The following ADAM18 variants were observed in gnomAD, a reference collection of about 807,000 sequenced individuals.
The protein encoded by ADAM18 is disintegrin and metalloproteinase domain-containing protein 18.
Under a neutral mutation model 94.4 loss-of-function variants are expected in ADAM18, and 117 were observed. The observed-to-expected ratio is 1.24, with a 90% CI of 1.07 to 1.45. The LOEUF (loss-of-function observed/expected upper bound fraction) is 1.45, where lower values mean the gene tolerates loss of function less well. Among genes scored for constraint, ADAM18 ranks in the 40% most tolerant of loss-of-function variants. The probability of loss-of-function intolerance (pLI) is 0.00; values close to 1 mark genes in which losing one functional copy is unlikely to be tolerated. For synonymous variants in ADAM18, 327 were observed against 291.6 expected (o/e 1.12, Z -1.24); for missense variants, 936 against 880.0 (o/e 1.06, Z -0.81).
chr8:39,629,381 A>G lies in ADAM18; in HGVS notation c.530A>G (p.Asn177Ser), dbSNP rs576236918. 4 of 1,572,720 alleles carry G rather than the reference A, an allele frequency of 2.5e-6. No individual in the cohort carries two copies. Among genetic ancestry groups the G allele is most frequent in the South Asian group, 2.3e-5 (2 of 85,572 alleles). The change falls in exon 7 of 20, where the codon AAT becomes AGT. Residue 177 changes from asparagine (N) to serine (S), a missense_variant. Asn to Ser is a conservative substitution (Grantham distance 46). Coordinates refer to ENST00000265707, the MANE Select transcript of ADAM18 (RefSeq NM_014237.3). The part of the protein sequence containing the change: ...YKVPLNSQIK[N>S]LSKLLPQYLE... ...GTTGTTGTTGTTTTCCAGATAAAAA[A>G]TCTTTCAAAACTATTACCCCAATAT...
chr8:39,593,886 C>T (rs1818655213), intron 2 of ADAM18, among the ~76,000 whole-genome samples: 1 of 152,096 alleles, frequency 6.6e-6, no homozygotes, highest in African/African-American at 2.4e-5. Flanking sequence ...TTGCTTTCAG[C>T]CAGCCTAGGC....
intron 10 of ADAM18, among the ~76,000 whole-genome samples, chr8:39,644,025 C>A (rs2129579467): frequency 6.6e-6 from 1 of 151,954 alleles, no homozygotes; most frequent in Admixed American, 6.6e-5. Context: ...TTTATTTTTT[C>A]ATATTGCCAA....
chr8:39,679,716 T>A (rs1350215423), intron 15 of ADAM18, among the ~76,000 whole-genome samples: 1 of 152,134 alleles, frequency 6.6e-6, no homozygotes, highest in Non-Finnish European at 1.5e-5. Flanking sequence ...CCAAGCTATA[T>A]CAAAGTGGGG....
At chr8:39,618,263 C>T (rs570381514) in intron 6 of ADAM18, among the ~76,000 whole-genome samples, 7 of 152,206 alleles carry the variant, frequency 4.6e-5, no homozygotes, top group African/African-American at 1.7e-4. Context: ...GGGGGGTCAC[C>T]GCCTTCTGGT....
intron 6 of ADAM18, among the ~76,000 whole-genome samples, chr8:39,612,413 C>T (rs1438754032): frequency 6.6e-6 from 1 of 152,148 alleles, no homozygotes; most frequent in Non-Finnish European, 1.5e-5. Flanking sequence ...CCCACTCTCA[C>T]TATAAAAACC....
intron 6 of ADAM18, among the ~76,000 whole-genome samples, chr8:39,620,013 C>T (rs117782754): frequency 0.017 from 2,660 of 152,112 alleles, 40 homozygotes; most frequent in Non-Finnish European, 0.025. Flanking sequence ...AAAACAGACA[C>T]ATAGACCAAT....
At position 39,632,027 on chromosome 8, in the gene ADAM18, T is replaced by G. The variant is rs575803823; in HGVS notation, c.588+2588T>G. Among the ~76,000 whole-genome samples, 12 of 152,114 alleles carry G rather than the reference T, an allele frequency of 7.9e-5. No homozygotes were observed. In the South Asian group the frequency reaches 2.5e-3, roughly 32 times the overall value. On this transcript the variant is annotated intron_variant, in intron 7 of 19. Coordinates refer to ENST00000265707, the MANE Select transcript of ADAM18 (RefSeq NM_014237.3). ...TATATCCTGTTATTTTTTGCATAAT[T>G]TACTTGTTAATTCTTGTGTTTCATT...
chr8:39,646,269 C>A (rs1405824420), intron 11 of ADAM18, among the ~76,000 whole-genome samples: 4 of 151,876 alleles, frequency 2.6e-5, no homozygotes, highest in Admixed American at 6.6e-5. Context: ...TTGGTGCTAT[C>A]CAATAGAAAT....
At chr8:39,666,102 A>G (rs1384149903) in intron 13 of ADAM18, among the ~76,000 whole-genome samples, 1 of 152,168 alleles carries the variant, frequency 6.6e-6, no homozygotes, top group Non-Finnish European at 1.5e-5. Context: ...CAGTGGCACT[A>G]TCTCTGCTAG....
intron 6 of ADAM18, among the ~76,000 whole-genome samples, chr8:39,620,424 A>ACAAC (rs1023217595): frequency 6.7e-6 from 1 of 149,236 alleles, no homozygotes; most frequent in East Asian, 1.9e-4. Flanking sequence ...AAAAAAACCA[A>ACAAC]CAACCAACCA....
At chr8:39,705,109 A>G (rs113825250) in intron 17 of ADAM18, among the ~76,000 whole-genome samples, 91 of 152,268 alleles carry the variant, frequency 6.0e-4, no homozygotes, top group African/African-American at 2.1e-3. Context: ...CTGTTCTACT[A>G]TACAGTTGCT....
chr8:39,584,773 T>G (rs7007924), intron 1 of ADAM18, 96 bp downstream of exon 1: 1,267,181 of 1,388,576 alleles, frequency 0.91, 579,897 homozygotes, highest in Middle Eastern at 0.96. Context: ...ACCCTCCCCC[T>G]CTCCCTTCTG....
rs553724735 is a variant in ADAM18 at position 39,657,318 on chromosome 8, G to GT, written c.1231-6472dup. 6.0e-3 allele frequency among the ~76,000 whole-genome samples: 906 copies of GT among 151,998 alleles called. 4 individuals carry two copies. Among genetic ancestry groups the GT allele is most frequent in the African/African-American group, 0.021 (862 of 41,486 alleles). The stretch of plus-strand genomic sequence containing the variant: ...TAAAAAGGTCTTTGTTTGTTTGTTT[G>GT]TTTTTGTTTTTTGAGACAGCCTTGC... On this transcript the variant is annotated intron_variant, in intron 12 of 19. Coordinates refer to ENST00000265707, the MANE Select transcript of ADAM18 (RefSeq NM_014237.3).
intron 6 of ADAM18, among the ~76,000 whole-genome samples, chr8:39,620,375 C>CAAAAAAAAAAAAAAAAAAAAAACA (rs376218269): frequency 4.5e-5 from 4 of 88,794 alleles, no homozygotes; most frequent in Admixed American, 1.3e-4. Context: ...AAAAAAAAAA[C>CAAAAAAAAAAAAAAAAAAAAAACA]AAAAAAAAAT....
intron 9 of ADAM18, 73 bp from the exon 10 acceptor site, chr8:39,638,392 A>G: frequency 1.0e-6 from 1 of 993,428 alleles, no homozygotes; most frequent in Non-Finnish European, 1.4e-6. Flanking sequence ...TTATGTGAAG[A>G]AGGTTTAATT....
chr8:39,685,894 A>C (rs531231585), intron 16 of ADAM18, among the ~76,000 whole-genome samples: 1 of 152,244 alleles, frequency 6.6e-6, no homozygotes, highest in African/African-American at 2.4e-5. Context: ...AATTTAGCCA[A>C]GTTCTTTGAC....
At chr8:39,649,421 A>T (rs753990142) in intron 12 of ADAM18, among the ~76,000 whole-genome samples, 2 of 152,000 alleles carry the variant, frequency 1.3e-5, no homozygotes, top group Non-Finnish European at 2.9e-5. Flanking sequence ...ATATTTTCCC[A>T]TGCTGTCTTA....
At chr8:39,607,898 C>T (rs1819140392) in intron 3 of ADAM18, among the ~76,000 whole-genome samples, 1 of 151,776 alleles carries the variant, frequency 6.6e-6, no homozygotes. Context: ...TTGGTTGCTC[C>T]CAAATTAACA....
chr8:39,586,802 A>ATC (rs1343211357), intron 2 of ADAM18, among the ~76,000 whole-genome samples: 5,501 of 130,618 alleles, frequency 0.042, 123 homozygotes, highest in Middle Eastern at 0.066. Flanking sequence ...CTATCTATCT[A>ATC]TATCTATCTA....
Sources: gnomAD v4.1 joint callset for allele counts (sites outside exome capture counted in the v4.1 genomes callset) on GRCh38, gnomAD v4.1.1 for gene constraint, MANE v1.5 for transcripts, NCBI Gene and HGNC (gene_info 2026-07-23, HGNC 2026-07-21) for gene names.